DHX57: variants seen among roughly 807,000 people sequenced by gnomAD.
The protein encoded by DHX57 is DExH-box helicase 57.
Under a neutral mutation model 156.2 loss-of-function variants are expected in DHX57, and 105 were observed. The ratio of observed to expected loss-of-function variants is 0.67; its 90% CI spans 0.57 to 0.79. The LOEUF is 0.79. DHX57 is among the 30% of genes least tolerant of loss of function. DHX57 has a pLI of 0.00. For missense variants in DHX57, 1,847 were observed against 1,661.9 expected (o/e 1.11, Z -1.94); for synonymous variants, 704 against 595.6 (o/e 1.18, Z -2.65).
Position 38,806,565 on chromosome 2 carries a change from G to C in DHX57, c.3810C>G (p.Asn1270Lys), listed in dbSNP as rs1259472322. Residue 1270 changes from asparagine to lysine, a missense_variant, in exon 22 of 24, where the codon AAC becomes AAG. Asn to Lys is a moderately conservative substitution (Grantham distance 94). Coordinates refer to ENST00000457308, the MANE Select transcript of DHX57 (RefSeq NM_198963.3). ...GYVHIHPSSV[N>K]YQVRHFDSPY... ...TATACTCCACCATTCTGACCTGATAGTTCACTGATGAAGGGTGAATGTGTA... is the reference window on the plus strand; with the variant it reads ...TATACTCCACCATTCTGACCTGATACTTCACTGATGAAGGGTGAATGTGTA... 6.2e-7 allele frequency: 1 copy of C among 1,613,986 alleles called. No homozygotes were observed. Among genetic ancestry groups the C allele is most frequent in the South Asian group, 1.1e-5 (1 of 91,040 alleles).
intron 1 of DHX57, among the ~76,000 whole-genome samples, chr2:38,875,309 C>T (rs1320261643): frequency 6.6e-6 from 1 of 152,118 alleles, no homozygotes; most frequent in Non-Finnish European, 1.5e-5. Flanking sequence ...ATAGCCAAGG[C>T]ACTGAAAAGT....
At chr2:38,826,404 T>C in intron 15 of DHX57, 112 bp downstream of exon 15, 2 of 1,301,804 alleles carry the variant, frequency 1.5e-6, no homozygotes, top group Non-Finnish European at 2.1e-6. Context: ...TTTCACAAAG[T>C]ATTTTTTCAT....
At chr2:38,845,129 C>G (rs1378880807) in intron 11 of DHX57, among the ~76,000 whole-genome samples, 1 of 151,706 alleles carries the variant, frequency 6.6e-6, no homozygotes, top group Non-Finnish European at 1.5e-5. Context: ...CCTGGAAGAA[C>G]AAGGCTGCAG....
intron 1 of DHX57, among the ~76,000 whole-genome samples, chr2:38,870,341 A>T (rs1307118997): frequency 6.6e-6 from 1 of 152,244 alleles, no homozygotes; most frequent in Admixed American, 6.5e-5. Context: ...ATTAAAAATC[A>T]ATAACCTCTA....
intron 13 of DHX57, among the ~76,000 whole-genome samples, chr2:38,830,058 C>G (rs954475906): frequency 6.6e-6 from 1 of 152,106 alleles, no homozygotes; most frequent in Non-Finnish European, 1.5e-5. Context: ...TTTCACCAGC[C>G]CCCCTTTAAT....
At chr2:38,868,708 T>C (rs1342024528) in intron 1 of DHX57, among the ~76,000 whole-genome samples, 1 of 152,212 alleles carries the variant, frequency 6.6e-6, no homozygotes, top group Non-Finnish European at 1.5e-5. Flanking sequence ...ATTTCTAAAC[T>C]AAAGATGTAC....
intron 1 of DHX57, 147 bp downstream of exon 1, chr2:38,875,640 C>A (rs1558414272): frequency 1.2e-5 from 2 of 163,466 alleles, no homozygotes; most frequent in African/African-American, 4.8e-5. Flanking sequence ...CGGCCCCAGG[C>A]AGACTGGATG....
chr2:38,858,006 T>C (rs1444620472), intron 6 of DHX57, among the ~76,000 whole-genome samples: 2 of 152,258 alleles, frequency 1.3e-5, no homozygotes, highest in Non-Finnish European at 2.9e-5. Context: ...TAGCTGAGAC[T>C]ACAGGCATGT....
In DHX57 at chr2:38,863,503, T is replaced by A; in HGVS notation, c.241A>T (p.Ile81Leu). The stretch of plus-strand genomic sequence containing the variant: ...TTTGGGCGTGACTCTCCTTTGCTTA[T>A]GTTACTGTTGCTAGGTCTATAGAGA... ...RRPSRPSNSNISKGESRPKWK... is the reference protein window; with the variant it reads ...RRPSRPSNSNLSKGESRPKWK... Residue 81 changes from isoleucine (I) to leucine (L), a missense_variant, in exon 3 of 24, where the codon ATA (isoleucine) becomes TTA (leucine). Physicochemically the swap from Ile to Leu is conservative, Grantham distance 5 (BLOSUM62 2). Coordinates refer to ENST00000457308, the MANE Select transcript of DHX57 (RefSeq NM_198963.3). 1 of 1,613,776 alleles carries A rather than the reference T, an allele frequency of 6.2e-7. No individual in the cohort carries two copies. Among genetic ancestry groups the A allele is most frequent in the South Asian group, 1.1e-5 (1 of 91,018 alleles).
intron 19 of DHX57, 30 bp downstream of exon 19, chr2:38,818,847 A>G (rs779178326): frequency 1.2e-6 from 2 of 1,612,912 alleles, no homozygotes; most frequent in South Asian, 2.2e-5. Flanking sequence ...CTAATAAAAA[A>G]ATGAAGAAAA....
rs142927843 is a variant in DHX57, at chr2:38,855,228, C to T, written c.1734G>A (p.Pro578=). Residue 578 remains proline, a synonymous_variant, in exon 8 of 24, where the codon CCG becomes CCA. Coordinates refer to ENST00000457308, the MANE Select transcript of DHX57 (RefSeq NM_198963.3). The part of the protein sequence containing the change: ...MTGCGKTTQI[P]QFILDDSLNG... ...TCAGAGAATCATCCAGAATAAACTGCGGAATTTGTGTGGTTTTCCCACATC... is the reference window on the plus strand; with the variant it reads ...TCAGAGAATCATCCAGAATAAACTGTGGAATTTGTGTGGTTTTCCCACATC... 7.5e-4 allele frequency: 1,213 copies of T among 1,614,078 alleles called. 12 individuals are homozygous for T. The African/African-American group carries it at 0.012, about 16-fold the overall frequency.
In DHX57 at chr2:38,866,034, T is replaced by C. The variant is rs528559833; in HGVS notation, c.224+2148A>G. Reference sequence around the variant, plus strand: ...GGAAGGGACAGCAAAATCCGGTCCATGTTCTGCTGGCTAAGCCATGATCCT... The same window carrying C: ...GGAAGGGACAGCAAAATCCGGTCCACGTTCTGCTGGCTAAGCCATGATCCT... On this transcript the variant is annotated intron_variant, in intron 2 of 23. Transcript: ENST00000457308. 1.8e-4 allele frequency among the ~76,000 whole-genome samples: 28 copies of C among 152,200 alleles called. No individual in the cohort carries two copies. The Middle Eastern group carries it at 0.01, about 55-fold the overall frequency.
chr2:38,799,029 GA>G (rs1347244486), intron 23 of DHX57, among the ~76,000 whole-genome samples: 1 of 151,950 alleles, frequency 6.6e-6, no homozygotes, highest in African/African-American at 2.4e-5. Flanking sequence ...CAATTTTTAT[GA>G]TTTATTCCAC....
At chr2:38,798,710 C>T (rs917334334) in intron 23 of DHX57, among the ~76,000 whole-genome samples, 4 of 152,036 alleles carry the variant, frequency 2.6e-5, no homozygotes, top group Non-Finnish European at 5.9e-5. Context: ...CTTTGGGAGG[C>T]CAAGGCGGGC....
chr2:38,824,409 T>C (rs774048802), intron 16 of DHX57, among the ~76,000 whole-genome samples: 3 of 152,152 alleles, frequency 2.0e-5, no homozygotes, highest in Non-Finnish European at 4.4e-5. Context: ...TTTTGCAAAA[T>C]GAGTAAGTTC....
chr2:38,830,046 GT>G (rs1371817367), intron 13 of DHX57, among the ~76,000 whole-genome samples: 1 of 152,138 alleles, frequency 6.6e-6, no homozygotes, highest in African/African-American at 2.4e-5. Flanking sequence ...AAATGGTACT[GT>G]TTTCACCAGC....
chr2:38,868,493 G>C lies in DHX57; in HGVS notation c.-6-82C>G, dbSNP rs1665195876. On this transcript the variant is annotated intron_variant, in intron 1 of 23. Transcript: ENST00000457308. ...TTTGTTTGCCAAACTTATGAATATA[G>C]GCTACTTTAAAGAAACAAAGGAAAA... 1.5e-5 allele frequency: 21 copies of C among 1,361,978 alleles called. No individual in the cohort carries two copies. The South Asian group carries it at 2.8e-4, about 18-fold the overall frequency. 84.4% of individuals were successfully genotyped at this position (1,361,978 alleles called of 1,614,324 possible).
chr2:38,860,618 A>ATATCTC (rs1673144740), intron 5 of DHX57, among the ~76,000 whole-genome samples: 1 of 152,186 alleles, frequency 6.6e-6, no homozygotes, highest in Non-Finnish European at 1.5e-5. Flanking sequence ...AGAAAGCAAA[A>ATATCTC]TATCTCTAAA....
rs751181848 is a variant in DHX57, at chr2:38,818,924, T to C, written c.3424A>G (p.Ser1142Gly). 6.2e-7 allele frequency: 1 copy of C among 1,614,200 alleles called. No homozygotes were observed. Residue 1142 changes from serine to glycine, a missense_variant, in exon 19 of 24, where the codon AGT becomes GGT. Transcript: ENST00000457308. ...AAGTTTTGTCTGCAGTAATTATAACTTGCACGCACGCCTTCTTTTGTACTT... is the reference window on the plus strand; with the variant it reads ...AAGTTTTGTCTGCAGTAATTATAACCTGCACGCACGCCTTCTTTTGTACTT... ...QLSTKEGVRA[S>G]YNYCRQNFLS...
Sources: allele counts gnomAD v4.1 joint callset (sites outside exome capture counted in the v4.1 genomes callset), GRCh38; gene constraint gnomAD v4.1.1; transcripts MANE v1.5; gene names NCBI Gene and HGNC (gene_info 2026-07-23, HGNC 2026-07-21).